The following UBE4A variants were observed in gnomAD, a reference collection of about 807,000 sequenced individuals.
UBE4A encodes ubiquitin conjugation factor E4 A.
Under a neutral mutation model 117.9 loss-of-function variants are expected in UBE4A, and 48 were observed. The ratio of observed to expected loss-of-function variants is 0.41; its 90% CI spans 0.32 to 0.52. The LOEUF (loss-of-function observed/expected upper bound fraction) is 0.52, where lower values mean the gene tolerates loss of function less well. UBE4A is among the 20% of genes least tolerant of loss of function. The pLI is 0.33. For synonymous variants in UBE4A, 407 were observed against 450.0 expected (o/e 0.90, Z 1.21); for missense variants, 1,067 against 1,296.3 (o/e 0.82, Z 2.72).
At chr11:118,396,006 C>T (rs1291468856) in intron 19 of UBE4A, among the ~76,000 whole-genome samples, 2 of 151,018 alleles carry the variant, frequency 1.3e-5, no homozygotes, top group African/African-American at 2.4e-5. Context: ...ACCCAGGAGG[C>T]AGAGGTTGCA....
chr11:118,382,071 G>C (rs1267266369), intron 12 of UBE4A, among the ~76,000 whole-genome samples: 3 of 152,144 alleles, frequency 2.0e-5, no homozygotes, highest in Non-Finnish European at 4.4e-5. Flanking sequence ...ACAATGAAGA[G>C]AATGACCCAC....
intron 17 of UBE4A, among the ~76,000 whole-genome samples, chr11:118,390,370 T>C (rs1948800794): frequency 6.8e-6 from 1 of 146,136 alleles, no homozygotes; most frequent in South Asian, 2.1e-4. Flanking sequence ...ATATATTAAA[T>C]ATATAATATA....
intron 10 of UBE4A, chr11:118,378,554 T>C (rs1400897142): frequency 6.6e-6 from 1 of 152,212 alleles, no homozygotes; most frequent in Non-Finnish European, 1.5e-5. Context: ...ACACTAAGAA[T>C]AGCAATTTTT....
intron 13 of UBE4A, 133 bp downstream of exon 13, chr11:118,382,909 A>T (rs1948718705): frequency 4.7e-5 from 32 of 687,220 alleles, no homozygotes; most frequent in Middle Eastern, 4.8e-4. Context: ...GCCAGGCTTG[A>T]TGATAAGTGC....
chr11:118,367,281 G>A (rs1792833), intron 2 of UBE4A, among the ~76,000 whole-genome samples: 2 of 148,572 alleles, frequency 1.3e-5, no homozygotes. Flanking sequence ...TCATCAATAA[G>A]AAAAAAATAA....
chr11:118,363,927 T>G (rs1948542835), intron 1 of UBE4A, among the ~76,000 whole-genome samples: 1 of 152,092 alleles, frequency 6.6e-6, no homozygotes, highest in South Asian at 2.1e-4. Flanking sequence ...CCACATTAGC[T>G]TTTGTTGATA....
intron 11 of UBE4A, 129 bp downstream of exon 11, chr11:118,379,879 AACTT>A (rs758730126): frequency 2.4e-5 from 27 of 1,103,748 alleles, no homozygotes; most frequent in Non-Finnish European, 3.1e-5. Context: ...AAACAACTCA[AACTT>A]AGATAATATC....
In UBE4A at chr11:118,373,309, GTAT is replaced by G. The variant is rs764526567; in HGVS notation, c.924+23_924+25del. 15 of 1,608,400 alleles carry G rather than the reference GTAT, an allele frequency of 9.3e-6. No individual in the cohort carries two copies. The South Asian group carries it at 1.4e-4, about 15-fold the overall frequency. On this transcript the variant is annotated intron_variant, in intron 7 of 19. Transcript: ENST00000252108. ...CAAAGGTAGGTCTGAAAGATGATAT[GTAT>G]TCAGTTGAGCTAGATGTGTAATACA...
intron 11 of UBE4A, among the ~76,000 whole-genome samples, chr11:118,380,320 C>T (rs1327736395): frequency 6.6e-6 from 1 of 151,932 alleles, no homozygotes; most frequent in Non-Finnish European, 1.5e-5. Flanking sequence ...TGATGGTGCA[C>T]GCCTGTAATC....
At chr11:118,384,771 T>A (rs782020891) in intron 14 of UBE4A, 36 bp downstream of exon 14, 1 of 1,611,102 alleles carries the variant, frequency 6.2e-7, no homozygotes, top group South Asian at 1.1e-5. Context: ...TTGCTTTATA[T>A]AAGCCCTAAT....
rs558152152 is a variant in UBE4A at position 118,364,974 on chromosome 11, A to G, written c.-41-66A>G. 6.6e-4 allele frequency: 852 copies of G among 1,294,098 alleles called. 22 individuals are homozygous for G. In the South Asian group the frequency reaches 0.017, roughly 26 times the overall value. The allele number at this position is 1,294,098 out of a possible 1,614,324, so 80.2% of individuals were successfully genotyped here. A position where few individuals can be genotyped will look rare whatever the true frequency, so the allele number is the denominator to read the frequency against. ...TATTTGAGAAATGGGAAAAGAAACA[A>G]CCACAGGTATATTACAGCTATTGTG... On this transcript the variant is annotated intron_variant, in intron 1 of 19. Transcript: ENST00000252108.
At chr11:118,365,316 GT>G in intron 2 of UBE4A, 115 bp downstream of exon 2, 1 of 1,389,362 alleles carries the variant, frequency 7.2e-7, no homozygotes, top group African/African-American at 1.5e-5. Flanking sequence ...ACAAAAGTTG[GT>G]TTTTGTTTGT....
At chr11:118,380,255 A>T (rs187181906) in intron 11 of UBE4A, among the ~76,000 whole-genome samples, 5 of 151,706 alleles carry the variant, frequency 3.3e-5, no homozygotes, top group Non-Finnish European at 7.4e-5. Context: ...TGGCCATATC[A>T]TGCTGAGTAA....
chr11:118,383,607 A>C (rs1948727350), intron 13 of UBE4A, among the ~76,000 whole-genome samples: 1 of 151,556 alleles, frequency 6.6e-6, no homozygotes, highest in African/African-American at 2.4e-5. Context: ...AAAAAAAAAA[A>C]AAAAACCAGC....
At position 118,398,057 on chromosome 11, in the gene UBE4A, A is replaced by G. The variant is rs1205244558; in HGVS notation, c.*1617A>G. 6.6e-6 allele frequency: 1 copy of G among 152,654 alleles called. No individual in the cohort carries two copies. The highest frequency in any genetic ancestry group is 1.5e-5 in the Non-Finnish European group (1 of 68,050). The allele number at this position is 152,654 out of a possible 1,614,324, so 9.5% of individuals were successfully genotyped here. On this transcript the variant is annotated 3_prime_UTR_variant, in exon 20 of 20. Coordinates refer to ENST00000252108, the MANE Select transcript of UBE4A (RefSeq NM_001204077.2). ...TATTTTCTAAAATTAGCTTCATTCA[A>G]TATTTATCATCCTCCTTTCCCTCTC...
chr11:118,363,606 CTTTTT>C (rs199847839), intron 1 of UBE4A, among the ~76,000 whole-genome samples: 1 of 122,846 alleles, frequency 8.1e-6, no homozygotes, highest in Non-Finnish European at 1.7e-5. Flanking sequence ...ACCACATTAG[CTTTTT>C]TTTTTTTTTT....
At position 118,396,541 on chromosome 11, in the gene UBE4A, CTTTTTCT is replaced by C; in HGVS notation, c.*107_*113del. 3 of 911,764 alleles carry C rather than the reference CTTTTTCT, an allele frequency of 3.3e-6. No homozygotes were observed. The highest frequency in any genetic ancestry group is 2.5e-5 in the South Asian group (1 of 40,558). The allele number at this position is 911,764 out of a possible 1,614,324, so 56.5% of individuals were successfully genotyped here. ...TTCTGTTCCTTTTCTTTCTTCTTTTCTTTTTCTTTTTTTTTTTTTTTTTTACTAAATT... is the reference window on the plus strand; with the variant it reads ...TTCTGTTCCTTTTCTTTCTTCTTTTCTTTTTTTTTTTTTTTTTACTAAATT... On this transcript the variant is annotated 3_prime_UTR_variant, in exon 20 of 20. Transcript: ENST00000252108.
At chr11:118,395,396 C>T (rs1313524872) in intron 19 of UBE4A, among the ~76,000 whole-genome samples, 1 of 151,916 alleles carries the variant, frequency 6.6e-6, no homozygotes, top group African/African-American at 2.4e-5. Context: ...CTATATCGCT[C>T]GAAATGTGGC....
At chr11:118,381,971 A>G (rs1349841972) in intron 12 of UBE4A, among the ~76,000 whole-genome samples, 2 of 152,214 alleles carry the variant, frequency 1.3e-5, no homozygotes, top group East Asian at 3.8e-4. Context: ...AAAGGAAGAT[A>G]CTGTGACTTG....
Sources: allele counts gnomAD v4.1 joint callset (sites outside exome capture counted in the v4.1 genomes callset), GRCh38; gene constraint gnomAD v4.1.1; transcripts MANE v1.5; gene names NCBI Gene and HGNC (gene_info 2026-07-23, HGNC 2026-07-21).